The following MAP3K10 variants were observed in gnomAD, a reference collection of about 807,000 sequenced individuals.
MAP3K10 encodes the protein MKN28 derived nonreceptor_type serine/threonine kinase.
A neutral mutation model predicts 75.0 loss-of-function variants in MAP3K10; 22 were observed. That is an observed-to-expected ratio of 0.29 (90% CI 0.21 to 0.42). The LOEUF (loss-of-function observed/expected upper bound fraction) is 0.42. Among genes scored for constraint, MAP3K10 ranks in the 10% least tolerant of loss-of-function variants. The pLI, the probability that MAP3K10 is intolerant of heterozygous loss-of-function variation, is 1.00. For synonymous variants in MAP3K10, 599 were observed against 612.9 expected (o/e 0.98, Z 0.34); for missense variants, 1,165 against 1,379.8 (o/e 0.84, Z 2.47).
intron 1 of MAP3K10, among the ~76,000 whole-genome samples, chr19:40,193,965 A>G (rs1972860696): frequency 6.6e-6 from 1 of 152,072 alleles, no homozygotes; most frequent in Non-Finnish European, 1.5e-5. Flanking sequence ...CCATCCCACT[A>G]TTTTTAGGAA....
chr19:40,209,335 C>A, intron 6 of MAP3K10, 116 bp downstream of exon 6: 1 of 663,014 alleles, frequency 1.5e-6, no homozygotes. Context: ...ACAGACAAGG[C>A]CCTTTTCCTC....
At position 40,205,411 on chromosome 19, in the gene MAP3K10, G is replaced by A; in HGVS notation, c.1188+115G>A. On this transcript the variant is annotated intron_variant, in intron 4 of 9. Transcript: ENST00000253055. The surrounding 1 kb of genome is among the most constrained non-coding windows in gnomAD (Gnocchi z 4.3). ...AGCCTTTGGGTCCATGCAGGGTCAA[G>A]GGAGCCTTTTTTGCATATTAAGAAA... 1 of 1,143,696 alleles carries A rather than the reference G, an allele frequency of 8.7e-7. No homozygotes were observed. 70.8% of individuals were successfully genotyped at this position (1,143,696 alleles called of 1,614,324 possible). A position where few individuals can be genotyped will look rare whatever the true frequency, so the allele number is the denominator to read the frequency against.
intron 1 of MAP3K10, among the ~76,000 whole-genome samples, chr19:40,196,001 A>T (rs1262576833): frequency 6.6e-6 from 1 of 152,206 alleles, no homozygotes; most frequent in African/African-American, 2.4e-5. Flanking sequence ...ATCACACACT[A>T]ATAATAACAG....
chr19:40,192,182 G>T lies in MAP3K10; in HGVS notation c.151G>T (p.Ala51Ser). 2 of 1,608,382 alleles carry T rather than the reference G, an allele frequency of 1.2e-6. No homozygotes were observed. Among genetic ancestry groups the T allele is most frequent in the Non-Finnish European group, 1.7e-6 (2 of 1,178,454 alleles). The change falls in exon 1 of 10, where the codon GCG becomes TCG. Residue 51 changes from alanine to serine, a missense_variant. Transcript: ENST00000253055. The surrounding 1 kb of genome is among the most constrained non-coding windows in gnomAD (Gnocchi z 7.1). The stretch of plus-strand genomic sequence containing the variant: ...CGTCCAGGTGCTTTCCCAAGACTGT[G>T]CGGTGTCCGGCGACGAGGGCTGGTG... ...DRVQVLSQDC[A>S]VSGDEGWWTG... is the part of the protein sequence containing the mutation.
rs1972809832 is a variant in MAP3K10, at chr19:40,191,512, G to T, written c.-520G>T. Among the ~76,000 whole-genome samples, 1 of 150,192 alleles carries T rather than the reference G, an allele frequency of 6.7e-6. No individual in the cohort carries two copies. Among genetic ancestry groups the T allele is most frequent in the Non-Finnish European group, 1.5e-5 (1 of 67,352 alleles). ...CGACCGGGAGGCCGGTGCCAAGGAT[G>T]GGGGCCGCCCGGCTGCCCCGCGCGT... On this transcript the variant is annotated 5_prime_UTR_variant, in exon 1 of 10. It removes an upstream start codon present in the reference 5' UTR. Transcript: ENST00000253055.
Position 40,213,170 on chromosome 19 carries a change from G to A in MAP3K10, c.1819G>A (p.Ala607Thr), listed in dbSNP as rs753940276. 3.8e-6 allele frequency: 6 copies of A among 1,580,464 alleles called. No homozygotes were observed. Among genetic ancestry groups the A allele is most frequent in the Admixed American group, 1.9e-5 (1 of 53,044 alleles). Residue 607 changes from alanine (A) to threonine (T), a missense_variant, in exon 8 of 10, where the codon GCC (alanine) becomes ACC (threonine). Physicochemically the swap from Ala to Thr is moderately conservative, Grantham distance 58. Around this residue, in one of 2 missense-constraint regions of MAP3K10, gnomAD observed 590 missense variants for 586.6 expected, o/e 1.01. Coordinates refer to ENST00000253055, the MANE Select transcript of MAP3K10 (RefSeq NM_002446.4). This position sits in a 1 kb window ranked among gnomAD's most constrained non-coding sequence, Gnocchi z 5.7. ...PKHTPIAPGFASLNEMEEFAE... is the reference protein window; with the variant it reads ...PKHTPIAPGFTSLNEMEEFAE... Reference sequence around the variant, plus strand: ...ACACACACCCATCGCCCCTGGCTTTGCCAGCCTCAATGAGATGGGTAAGAG... The same window carrying A: ...ACACACACCCATCGCCCCTGGCTTTACCAGCCTCAATGAGATGGGTAAGAG...
At position 40,213,730 on chromosome 19, in the gene MAP3K10, C is replaced by G; in HGVS notation, c.2051C>G (p.Ala684Gly). The G allele has an allele frequency of 9.3e-7, 1 of 1,081,016 alleles. No homozygotes were observed. Among genetic ancestry groups the G allele is most frequent in the Non-Finnish European group, 1.1e-6 (1 of 890,334 alleles). 67.0% of individuals were successfully genotyped at this position (1,081,016 alleles called of 1,614,324 possible). A position where few individuals can be genotyped will look rare whatever the true frequency, so the allele number is the denominator to read the frequency against. The change falls in exon 9 of 10, where the codon GCT (alanine) becomes GGT (glycine). Residue 684 changes from alanine to glycine, a missense_variant. By Grantham distance (60) the Ala-to-Gly change is moderately conservative. This residue lies in a region of MAP3K10 where 590 missense variants were observed against 586.6 expected (regional missense o/e 1.01). Coordinates refer to ENST00000253055, the MANE Select transcript of MAP3K10 (RefSeq NM_002446.4). This position sits in a 1 kb window ranked among gnomAD's most constrained non-coding sequence, Gnocchi z 5.7. Reference protein sequence around the residue: ...ALLGCATLLGAVGLGADVAEA... With the variant: ...ALLGCATLLGGVGLGADVAEA... ...CTAGGCTGCGCCACGCTGCTGGGGG[C>G]TGTGGGCCTGGGCGCCGACGTGGCC...
At position 40,213,839 on chromosome 19, in the gene MAP3K10, C is replaced by T; in HGVS notation, c.2160C>T (p.Gly720=). The part of the protein sequence containing the change: ...FFPRAGRFPR[G]LSPPARPHGR... ...CCCGCGCCGGCCGCTTCCCGCGGGG[C>T]CTCAGCCCACCCGCGCGTCCCCACG... The change falls in exon 9 of 10, where the codon GGC becomes GGT. Residue 720 remains glycine, a synonymous_variant. Transcript: ENST00000253055. This position sits in a 1 kb window ranked among gnomAD's most constrained non-coding sequence, Gnocchi z 5.7. 1.5e-6 allele frequency: 2 copies of T among 1,352,960 alleles called. No individual in the cohort carries two copies. Among genetic ancestry groups the T allele is most frequent in the Admixed American group, 3.8e-5 (1 of 26,552 alleles). 83.8% of individuals were successfully genotyped at this position (1,352,960 alleles called of 1,614,324 possible).
chr19:40,204,526 C>T lies in MAP3K10; in HGVS notation c.905C>T (p.Pro302Leu), dbSNP rs1373107865. ...TGGGAGCTGCTGACGGGGGAGGTCC[C>T]CTACCGTGAGATCGACGCCTTGGCC... ...LLWELLTGEVPYREIDALAVA... is the reference protein window; with the variant it reads ...LLWELLTGEVLYREIDALAVA... The change falls in exon 3 of 10, where the codon CCC (proline) becomes CTC (leucine). Residue 302 changes from proline to leucine, a missense_variant. Coordinates refer to ENST00000253055, the MANE Select transcript of MAP3K10 (RefSeq NM_002446.4). This position sits in a 1 kb window ranked among gnomAD's most constrained non-coding sequence, Gnocchi z 4.3. The T allele has an allele frequency of 1.2e-6, 2 of 1,613,866 alleles. No homozygotes were observed. The highest frequency in any genetic ancestry group is 1.7e-6 in the Non-Finnish European group (2 of 1,179,974).
chr19:40,214,160 G>A lies in MAP3K10; in HGVS notation c.2481G>A (p.Arg827=), dbSNP rs770143766. ...AACAVSRGHR[R]TPSDGALGQR... Reference sequence around the variant, plus strand: ...GCGCTGTGAGCCGCGGGCACCGGCGGACGCCATCGGACGGGGCGCTGGGGC... The same window carrying A: ...GCGCTGTGAGCCGCGGGCACCGGCGAACGCCATCGGACGGGGCGCTGGGGC... The change falls in exon 9 of 10, where the codon CGG becomes CGA. Residue 827 remains arginine (R), a synonymous_variant. Transcript: ENST00000253055. 1 of 1,522,014 alleles carries A rather than the reference G, an allele frequency of 6.6e-7. No homozygotes were observed. The highest frequency in any genetic ancestry group is 1.2e-5 in the South Asian group (1 of 81,970). The allele number at this position is 1,522,014 out of a possible 1,614,324, so 94.3% of individuals were successfully genotyped here.
In MAP3K10 at chr19:40,214,990, T is replaced by C; in HGVS notation, c.2563T>C (p.Phe855Leu). ...HGPGPRDLLDFPRLPDPQALF... is the reference protein window; with the variant it reads ...HGPGPRDLLDLPRLPDPQALF... ...ACCAGGCCCTCGTGACCTTCTGGAC[T>C]TCCCCCGCCTGCCCGACCCCCAGGC... The change falls in exon 10 of 10, where the codon TTC becomes CTC. Residue 855 changes from phenylalanine to leucine, a missense_variant. By Grantham distance (22) the Phe-to-Leu change is conservative (BLOSUM62 0). This residue lies in a region of MAP3K10 where 590 missense variants were observed against 586.6 expected (regional missense o/e 1.01). Coordinates refer to ENST00000253055, the MANE Select transcript of MAP3K10 (RefSeq NM_002446.4). The C allele has an allele frequency of 6.3e-7, 1 of 1,578,874 alleles. No homozygotes were observed. Among genetic ancestry groups the C allele is most frequent in the South Asian group, 1.1e-5 (1 of 90,070 alleles).
Position 40,213,147 on chromosome 19 carries a change from A to G in MAP3K10, c.1796A>G (p.His599Arg), listed in dbSNP as rs772723135. 1 of 1,599,398 alleles carries G rather than the reference A, an allele frequency of 6.3e-7. No homozygotes were observed. The highest frequency in any genetic ancestry group is 1.3e-5 in the African/African-American group (1 of 74,980). The change falls in exon 8 of 10, where the codon CAC (histidine) becomes CGC (arginine). Residue 599 changes from histidine to arginine, a missense_variant. Around this residue, in one of 2 missense-constraint regions of MAP3K10, gnomAD observed 590 missense variants for 586.6 expected, o/e 1.01. Transcript: ENST00000253055. This position sits in a 1 kb window ranked among gnomAD's most constrained non-coding sequence, Gnocchi z 5.7. Reference sequence around the variant, plus strand: ...CCCAACCTGGGCAAGTCCCCCAAACACACACCCATCGCCCCTGGCTTTGCC... The same window carrying G: ...CCCAACCTGGGCAAGTCCCCCAAACGCACACCCATCGCCCCTGGCTTTGCC... ...SAPNLGKSPK[H>R]TPIAPGFASL...
intron 5 of MAP3K10, among the ~76,000 whole-genome samples, chr19:40,207,826 T>TA (rs1408619839): frequency 6.6e-6 from 1 of 152,218 alleles, no homozygotes; most frequent in Non-Finnish European, 1.5e-5. Context: ...TTTTTCACAC[T>TA]AAATCTTTGA....
At chr19:40,211,608 A>T (rs571849533) in intron 6 of MAP3K10, among the ~76,000 whole-genome samples, 60 of 141,414 alleles carry the variant, frequency 4.2e-4, no homozygotes, top group Non-Finnish European at 6.6e-4. Context: ...GCTCTCACTT[A>T]TAAGTGAGAA....
intron 2 of MAP3K10, among the ~76,000 whole-genome samples, chr19:40,202,000 T>C (rs1228462814): frequency 1.3e-5 from 2 of 150,616 alleles, no homozygotes; most frequent in Non-Finnish European, 3.0e-5. Context: ...GTTTTATGTC[T>C]ACATTCCAAC....
intron 6 of MAP3K10, among the ~76,000 whole-genome samples, chr19:40,211,763 T>A (rs1452698424): frequency 6.6e-6 from 1 of 152,098 alleles, no homozygotes; most frequent in Non-Finnish European, 1.5e-5. Context: ...TCGCTCTGTC[T>A]CCCAGGCTGG....
At position 40,205,883 on chromosome 19, in the gene MAP3K10, C is replaced by A. The variant is rs1342390545; in HGVS notation, c.1189-28C>A. 8.0e-6 allele frequency: 12 copies of A among 1,497,472 alleles called. No homozygotes were observed. The highest frequency in any genetic ancestry group is 2.0e-4 in the Middle Eastern group (1 of 5,084). 92.8% of individuals were successfully genotyped at this position (1,497,472 alleles called of 1,614,324 possible). On this transcript the variant is annotated intron_variant, in intron 4 of 9. Transcript: ENST00000253055. The surrounding 1 kb of genome is among the most constrained non-coding windows in gnomAD (Gnocchi z 4.3). ...CAGGAAGCAGAGCAGCTAAGCCCCT[C>A]CCCCCAGCCACCGCCTCTCCTTCCC...
intron 2 of MAP3K10, among the ~76,000 whole-genome samples, chr19:40,200,543 A>T: frequency 6.6e-6 from 1 of 151,410 alleles, no homozygotes; most frequent in Admixed American, 6.6e-5. Context: ...TCTCCAGCTC[A>T]GCCTAGAGCA....
At chr19:40,208,852 C>G (rs1325594211) in intron 5 of MAP3K10, among the ~76,000 whole-genome samples, 1 of 152,078 alleles carries the variant, frequency 6.6e-6, no homozygotes, top group African/African-American at 2.4e-5. Context: ...ACTTATTAAA[C>G]CACAGTCCAT....
Sources: allele counts gnomAD v4.1 joint callset (sites outside exome capture counted in the v4.1 genomes callset), GRCh38; gene constraint gnomAD v4.1.1; regional missense constraint gnomAD v4.1.1; non-coding constraint Gnocchi (gnomAD v3.1); transcripts MANE v1.5; gene names NCBI Gene and HGNC (gene_info 2026-07-23, HGNC 2026-07-21).